TP63: variants seen among roughly 807,000 people sequenced by gnomAD.
TP63 encodes the protein tumor protein p63, also known as tumor protein 63.
TP63 carries 17 observed loss-of-function variants against 82.8 expected under a neutral mutation model. The ratio of observed to expected loss-of-function variants is 0.21; its 90% CI spans 0.14 to 0.31. TP63 has a LOEUF of 0.31. TP63 is among the 10% of genes least tolerant of loss of function. The probability of loss-of-function intolerance (pLI) is 1.00; values close to 1 mark genes in which losing one functional copy is unlikely to be tolerated. For missense variants in TP63, 648 were observed against 895.3 expected, an observed-to-expected ratio of 0.72 and a Z score of 3.52; for synonymous variants, 330 against 321.7, an observed-to-expected ratio of 1.03 and a Z score of -0.28.
chr3:189,696,318 A>G (rs545501307), intron 1 of TP63, among the ~76,000 whole-genome samples: 41 of 152,204 alleles, frequency 2.7e-4, no homozygotes, highest in African/African-American at 8.9e-4. Context: ...GCCTTTTCAG[A>G]CTGGCTTTTT....
chr3:189,815,155 G>A (rs1728039022), intron 4 of TP63, among the ~76,000 whole-genome samples: 1 of 151,128 alleles, frequency 6.6e-6, no homozygotes, highest in Admixed American at 6.6e-5. Context: ...TGGTTTTGTA[G>A]GTATCATCAG....
chr3:189,722,898 C>G (rs1719499786), intron 1 of TP63, among the ~76,000 whole-genome samples: 1 of 152,206 alleles, frequency 6.6e-6, no homozygotes. Flanking sequence ...AAAATGCAGA[C>G]TTATTAAAGT....
At chr3:189,714,808 ACATT>A (rs1333565581) in intron 1 of TP63, among the ~76,000 whole-genome samples, 1 of 152,216 alleles carries the variant, frequency 6.6e-6, no homozygotes, top group Non-Finnish European at 1.5e-5. Context: ...ATACATGTAC[ACATT>A]CATATAAAAA....
chr3:189,762,485 C>A (rs1340286238), intron 3 of TP63, among the ~76,000 whole-genome samples: 1 of 152,088 alleles, frequency 6.6e-6, no homozygotes, highest in Non-Finnish European at 1.5e-5. Flanking sequence ...AATTTCTAGA[C>A]CCATCTCTAA....
At position 189,682,665 on chromosome 3, in the gene TP63, G is replaced by A. The variant is rs556436176; in HGVS notation, c.62+51088G>A. 6.0e-4 allele frequency among the ~76,000 whole-genome samples: 90 copies of A among 149,524 alleles called. 1 individual carries two copies. In the South Asian group the frequency reaches 8.8e-3, roughly 15 times the overall value. ...AAAACACAAGGAAATATAACTTTTAGCTAATTTATTTCACTTAGGAGGTCT... is the reference window on the plus strand; with the variant it reads ...AAAACACAAGGAAATATAACTTTTAACTAATTTATTTCACTTAGGAGGTCT... On this transcript the variant is annotated intron_variant, in intron 1 of 13. Coordinates refer to ENST00000264731, the MANE Select transcript of TP63 (RefSeq NM_003722.5).
chr3:189,691,800 G>A (rs1716954864), intron 1 of TP63, among the ~76,000 whole-genome samples: 1 of 151,748 alleles, frequency 6.6e-6, no homozygotes, highest in Non-Finnish European at 1.5e-5. Context: ...GTTGTCCTTT[G>A]GGTTTCTGTT....
At chr3:189,822,837 C>G (rs1728932273) in intron 4 of TP63, among the ~76,000 whole-genome samples, 1 of 152,090 alleles carries the variant, frequency 6.6e-6, no homozygotes, top group South Asian at 2.1e-4. Flanking sequence ...TCCCCAAAGG[C>G]ACAATAACCA....
chr3:189,763,436 G>A (rs1722726903), intron 3 of TP63, among the ~76,000 whole-genome samples: 1 of 152,154 alleles, frequency 6.6e-6, no homozygotes, highest in African/African-American at 2.4e-5. Context: ...TAAACTGGAG[G>A]CAATGTGGAG....
chr3:189,748,673 GA>G lies in TP63; in HGVS notation c.324+9909del, dbSNP rs890529596. Reference sequence around the variant, plus strand: ...CAAAGTGCCAATATTATTTTTCACAGAAAAAAAAAATCCTAAAAATCATATG... The same window carrying G: ...CAAAGTGCCAATATTATTTTTCACAGAAAAAAAAATCCTAAAAATCATATG... On this transcript the variant is annotated intron_variant, in intron 3 of 13. Coordinates refer to ENST00000264731, the MANE Select transcript of TP63 (RefSeq NM_003722.5). 2.6e-3 allele frequency among the ~76,000 whole-genome samples: 378 copies of G among 147,230 alleles called. 4 individuals are homozygous for G. The highest frequency in any genetic ancestry group is 8.0e-3 in the African/African-American group (322 of 40,192).
At chr3:189,889,633 G>A in intron 12 of TP63, 149 bp downstream of exon 12, 1 of 1,110,996 alleles carries the variant, frequency 9.0e-7, no homozygotes, top group Non-Finnish European at 1.3e-6. Flanking sequence ...GATCTGTGGA[G>A]TGGTCAACAA....
chr3:189,848,597 A>G (rs1443160775), intron 4 of TP63, among the ~76,000 whole-genome samples: 1 of 152,218 alleles, frequency 6.6e-6, no homozygotes, highest in Non-Finnish European at 1.5e-5. Context: ...ACTCAGTAAT[A>G]GAAACATAGA....
At chr3:189,608,969 T>G in the TP63 span, among the ~76,000 whole-genome samples, 2 of 152,098 alleles carry the variant, frequency 1.3e-5, no homozygotes, top group African/African-American at 4.8e-5. Flanking sequence ...AGTTTCAATC[T>G]TAGGATTCAG....
the TP63 span, among the ~76,000 whole-genome samples, chr3:189,606,443 G>A: frequency 2.0e-5 from 3 of 151,134 alleles, no homozygotes; most frequent in Non-Finnish European, 4.4e-5. Context: ...TCAAATATTG[G>A]AATTACAATG....
intron 4 of TP63, among the ~76,000 whole-genome samples, chr3:189,853,633 C>G (rs1715926828): frequency 6.6e-6 from 1 of 152,164 alleles, no homozygotes; most frequent in Non-Finnish European, 1.5e-5. Flanking sequence ...TGACTCTTGG[C>G]TTTTTATACT....
At chr3:189,859,172 A>G (rs1258505316) in intron 4 of TP63, among the ~76,000 whole-genome samples, 2 of 152,202 alleles carry the variant, frequency 1.3e-5, no homozygotes, top group Admixed American at 6.5e-5. Flanking sequence ...TGGATATACT[A>G]CATATCCTAA....
At chr3:189,760,061 C>G (rs1722457528) in intron 3 of TP63, among the ~76,000 whole-genome samples, 1 of 152,176 alleles carries the variant, frequency 6.6e-6, no homozygotes, top group Admixed American at 6.5e-5. Context: ...TGATTCAATC[C>G]TCTACCACTG....
intron 1 of TP63, among the ~76,000 whole-genome samples, chr3:189,719,976 G>C (rs1289443610): frequency 6.6e-6 from 1 of 152,126 alleles, no homozygotes; most frequent in African/African-American, 2.4e-5. Context: ...GGATATTAAA[G>C]AAGATCCAGT....
At chr3:189,753,305 A>G (rs1222800531) in intron 3 of TP63, among the ~76,000 whole-genome samples, 2 of 152,098 alleles carry the variant, frequency 1.3e-5, no homozygotes, top group Non-Finnish European at 2.9e-5. Context: ...AGGTTTTACT[A>G]CATGTATACT....
At position 189,872,948 on chromosome 3, in the gene TP63, G is replaced by T; in HGVS notation, c.1302G>T (p.Thr434=). 6.2e-7 allele frequency: 1 copy of T among 1,614,090 alleles called. No individual in the cohort carries two copies. Among genetic ancestry groups the T allele is most frequent in the South Asian group, 1.1e-5 (1 of 91,084 alleles). The change falls in exon 10 of 14, where the codon ACG becomes ACT. Residue 434 remains threonine (T), a synonymous_variant. Transcript: ENST00000264731. The stretch of plus-strand genomic sequence containing the variant: ...ACCTTCCTCAGCACACAATTGAAAC[G>T]TACAGGCAACAGCAACAGCAGCAGC... ...MQYLPQHTIE[T]YRQQQQQQHQ... is the part of the protein sequence containing the mutation.
Sources: allele counts gnomAD v4.1 joint callset (sites outside exome capture counted in the v4.1 genomes callset), GRCh38; gene constraint gnomAD v4.1.1; transcripts MANE v1.5; gene names NCBI Gene and HGNC (gene_info 2026-07-23, HGNC 2026-07-21).